The following UNC13B variants were observed in gnomAD, a reference collection of about 807,000 sequenced individuals.
The protein encoded by UNC13B is unc-13 homolog B, also known as protein unc-13 homolog B.
A neutral mutation model predicts 211.0 loss-of-function variants in UNC13B; 144 were observed. That is an observed-to-expected ratio of 0.68 (90% CI 0.60 to 0.78). The LOEUF (loss-of-function observed/expected upper bound fraction) is 0.78, where lower values mean the gene tolerates loss of function less well. Among genes scored for constraint, UNC13B ranks in the 30% least tolerant of loss-of-function variants. The pLI is 0.00. For missense variants in UNC13B, 1,777 were observed against 2,002.0 expected, an observed-to-expected ratio of 0.89 and a Z score of 2.14; for synonymous variants, 709 against 725.8, an observed-to-expected ratio of 0.98 and a Z score of 0.37.
At chr9:35,201,704 C>T (rs573920878) in intron 1 of UNC13B, among the ~76,000 whole-genome samples, 28 of 151,962 alleles carry the variant, frequency 1.8e-4, no homozygotes, top group Admixed American at 9.2e-4. Flanking sequence ...TTTTTTACTG[C>T]GTCTATTTGA....
chr9:35,403,751 C>T lies in UNC13B; in HGVS notation c.12741C>T (p.Leu4247=). The T allele has an allele frequency of 1.1e-5, 17 of 1,613,980 alleles. No homozygotes were observed. The highest frequency in any genetic ancestry group is 1.7e-5 in the Admixed American group (1 of 60,016). The change falls in exon 40 of 40, where the codon CTC becomes CTT. Residue 4247 remains leucine, a synonymous_variant. Coordinates refer to ENST00000635942, the MANE Select transcript of UNC13B (RefSeq NM_001371189.2). ...AACTTCTATCTTGTGCTCACAGCCT[C>T]CTGGGAAATGAGGAGGGGCCCGAGT... The part of the protein sequence containing the change: ...APKYNETFHF[L]LGNEEGPESY...
At chr9:35,359,745 A>G (rs988772051) in intron 11 of UNC13B, among the ~76,000 whole-genome samples, 2 of 152,148 alleles carry the variant, frequency 1.3e-5, no homozygotes, top group Admixed American at 6.5e-5. Context: ...TCTTGCCATT[A>G]TCTCTACCTC....
chr9:35,353,497 C>T, intron 11 of UNC13B: 1 of 1,232,022 alleles, frequency 8.1e-7, no homozygotes. Context: ...TCAGTGTGGT[C>T]TCTGGTGGAG....
chr9:35,320,280 C>T (rs1830674731), intron 11 of UNC13B, among the ~76,000 whole-genome samples: 1 of 152,122 alleles, frequency 6.6e-6, no homozygotes, highest in South Asian at 2.1e-4. Flanking sequence ...GGGTTGAATG[C>T]TAGCTCTGTT....
chr9:35,290,763 A>G (rs1829058281), intron 7 of UNC13B, among the ~76,000 whole-genome samples: 1 of 152,060 alleles, frequency 6.6e-6, no homozygotes, highest in South Asian at 2.1e-4. Flanking sequence ...AGAGAGACCT[A>G]GACCAGAAGG....
chr9:35,397,520 C>T (rs992185566), intron 29 of UNC13B, 115 bp from the exon 30 acceptor site: 2 of 1,316,278 alleles, frequency 1.5e-6, no homozygotes, highest in Non-Finnish European at 2.1e-6. Flanking sequence ...CTGTGGGATT[C>T]CCCCTTTACC....
intron 1 of UNC13B, among the ~76,000 whole-genome samples, chr9:35,202,290 G>A (rs1237918994): frequency 1.3e-5 from 2 of 152,092 alleles, no homozygotes; most frequent in African/African-American, 2.4e-5. Context: ...AGTATGATGT[G>A]GTGCTGAAAA....
chr9:35,254,243 C>T (rs911855615), intron 6 of UNC13B, among the ~76,000 whole-genome samples: 3 of 152,154 alleles, frequency 2.0e-5, no homozygotes, highest in Non-Finnish European at 4.4e-5. Flanking sequence ...ATTGCTATAA[C>T]AATGCAAACT....
intron 6 of UNC13B, among the ~76,000 whole-genome samples, chr9:35,257,324 A>T (rs10972407): frequency 0.094 from 11,289 of 119,836 alleles, 554 homozygotes; most frequent in Admixed American, 0.2. Flanking sequence ...AATATTTATA[A>T]AAATATTTAT....
At chr9:35,316,543 CT>C (rs1472602320) in intron 11 of UNC13B, among the ~76,000 whole-genome samples, 4 of 152,082 alleles carry the variant, frequency 2.6e-5, no homozygotes, top group African/African-American at 9.7e-5. Context: ...AACAATGTTA[CT>C]GATAAAAACT....
intron 7 of UNC13B, among the ~76,000 whole-genome samples, chr9:35,285,595 T>TGATGGCACGA (rs1828745682): frequency 6.6e-6 from 1 of 152,112 alleles, no homozygotes; most frequent in African/African-American, 2.4e-5. Context: ...CACGTGCCTG[T>TGATGGCACGA]AGTCCCAGCT....
intron 1 of UNC13B, among the ~76,000 whole-genome samples, chr9:35,181,110 A>G (rs1484407758): frequency 6.6e-6 from 1 of 152,144 alleles, no homozygotes; most frequent in Non-Finnish European, 1.5e-5. Flanking sequence ...AAAACAAACA[A>G]AAAAACAAAA....
At chr9:35,382,175 AG>A (rs1185710535) in intron 20 of UNC13B, among the ~76,000 whole-genome samples, 181 bp from the exon 21 acceptor site, 2 of 152,220 alleles carry the variant, frequency 1.3e-5, no homozygotes, top group Admixed American at 1.3e-4. Flanking sequence ...TATGAGAAGC[AG>A]GGTAGCCTTT....
chr9:35,397,944 T>A (rs143898544), intron 30 of UNC13B, among the ~76,000 whole-genome samples: 19 of 152,296 alleles, frequency 1.2e-4, no homozygotes, highest in Middle Eastern at 3.4e-3. Flanking sequence ...GTCTTTTTTT[T>A]AATATATATA....
chr9:35,173,860 C>T (rs910983254), intron 1 of UNC13B, among the ~76,000 whole-genome samples: 3 of 152,186 alleles, frequency 2.0e-5, no homozygotes, highest in Admixed American at 6.5e-5. Context: ...TCAGCTCCAA[C>T]GCTGTGAGTT....
At chr9:35,399,586 G>C in intron 35 of UNC13B, 63 bp from the exon 36 acceptor site, 11 of 1,604,348 alleles carry the variant, frequency 6.9e-6, no homozygotes, top group Non-Finnish European at 9.4e-6. Flanking sequence ...GGGGCTGGCA[G>C]GTGGGTGCAA....
Position 35,304,076 on chromosome 9 carries a change from G to C in UNC13B, c.4672G>C (p.Asp1558His). 2 of 398,688 alleles carry C rather than the reference G, an allele frequency of 5.0e-6. No homozygotes were observed. The highest frequency in any genetic ancestry group is 8.9e-6 in the Non-Finnish European group (2 of 225,844). The allele number at this position is 398,688 out of a possible 1,614,324, so 24.7% of individuals were successfully genotyped here. ...GCAGTATGCATATTTATTTATACCT[G>C]ATTCTTATCAAGAGTATTTGGATTG... is the stretch of plus-strand genomic sequence containing the variant. ...TGQYAYLFIP[D>H]SYQEYLDCDL... The change falls in exon 9 of 40, where the codon GAT becomes CAT. Residue 1558 changes from aspartate (D) to histidine (H), a missense_variant. Transcript: ENST00000635942.
chr9:35,377,287 C>CA (rs1834486126), intron 15 of UNC13B, among the ~76,000 whole-genome samples, 181 bp from the exon 16 acceptor site: 1 of 152,208 alleles, frequency 6.6e-6, no homozygotes, highest in South Asian at 2.1e-4. Context: ...ATGACTTGGC[C>CA]AAAATCCATC....
chr9:35,387,853 TTTG>T (rs969827055), intron 24 of UNC13B, among the ~76,000 whole-genome samples: 20 of 152,262 alleles, frequency 1.3e-4, no homozygotes, highest in African/African-American at 4.3e-4. Flanking sequence ...TTATTGTTTT[TTTG>T]TTGTTGTTAT....
Sources: allele counts gnomAD v4.1 joint callset (sites outside exome capture counted in the v4.1 genomes callset), GRCh38; gene constraint gnomAD v4.1.1; transcripts MANE v1.5; gene names NCBI Gene and HGNC (gene_info 2026-07-23, HGNC 2026-07-21).